DDX60L: variants seen among roughly 807,000 people sequenced by gnomAD.
The protein encoded by DDX60L is DExD/H-box 60 like, also known as probable ATP-dependent RNA helicase DDX60-like.
A neutral mutation model predicts 211.6 loss-of-function variants in DDX60L; 191 were observed. That is an observed-to-expected ratio of 0.90 (90% CI 0.80 to 1.02). DDX60L has a LOEUF of 1.02. DDX60L is among the 50% of genes least tolerant of loss of function. The pLI is 0.00. For missense variants in DDX60L, 2,007 were observed against 1,984.1 expected (o/e 1.01, Z -0.22); for synonymous variants, 706 against 694.1 (o/e 1.02, Z -0.27).
At chr4:168,443,000 A>C (rs1485746926) in intron 9 of DDX60L, among the ~76,000 whole-genome samples, 1 of 152,240 alleles carries the variant, frequency 6.6e-6, no homozygotes, top group Non-Finnish European at 1.5e-5. Flanking sequence ...GCAGTTCCTC[A>C]CCAGCAATGG....
In DDX60L at chr4:168,472,758, C is replaced by A; in HGVS notation, c.-59G>T. On this transcript the variant is annotated 5_prime_UTR_variant, in exon 2 of 38. Transcript: ENST00000682922. Reference sequence around the variant, plus strand: ...TAGAGCTGGAATTTATTAAATATGGCTGATTTATTTTGACACCTCTAAAAT... The same window carrying A: ...TAGAGCTGGAATTTATTAAATATGGATGATTTATTTTGACACCTCTAAAAT... 3 of 1,592,690 alleles carry A rather than the reference C, an allele frequency of 1.9e-6. No homozygotes were observed. The highest frequency in any genetic ancestry group is 2.6e-6 in the Non-Finnish European group (3 of 1,167,466).
At chr4:168,460,891 A>G (rs1172684291) in intron 5 of DDX60L, among the ~76,000 whole-genome samples, 2 of 152,168 alleles carry the variant, frequency 1.3e-5, no homozygotes, top group African/African-American at 4.8e-5. Context: ...AGAACTCAGG[A>G]AAAGTGGTTT....
At chr4:168,431,503 G>A (rs1752332142) in intron 12 of DDX60L, among the ~76,000 whole-genome samples, 1 of 145,370 alleles carries the variant, frequency 6.9e-6, no homozygotes, top group African/African-American at 2.5e-5. Context: ...GTTCTGCAAT[G>A]AGAACACATG....
chr4:168,420,504 A>C (rs1750359482), intron 17 of DDX60L, 124 bp from the exon 18 acceptor site: 1 of 783,944 alleles, frequency 1.3e-6, no homozygotes, highest in Non-Finnish European at 2.0e-6. Context: ...ACACACACAC[A>C]CTTCAATGAA....
At chr4:168,445,232 C>T (rs1279481301) in intron 9 of DDX60L, among the ~76,000 whole-genome samples, 1 of 125,016 alleles carries the variant, frequency 8.0e-6, no homozygotes, top group Non-Finnish European at 1.7e-5. Flanking sequence ...AAACTACCAT[C>T]AGAGAATACT....
chr4:168,461,096 C>T (rs1757266577), intron 5 of DDX60L, among the ~76,000 whole-genome samples: 2 of 152,146 alleles, frequency 1.3e-5, no homozygotes, highest in African/African-American at 2.4e-5. Flanking sequence ...TAATATCTAG[C>T]CCCTCTTACT....
chr4:168,442,053 G>C lies in DDX60L; in HGVS notation c.1139-561C>G, dbSNP rs568102955. 1.5e-3 allele frequency among the ~76,000 whole-genome samples: 221 copies of C among 152,248 alleles called. 1 individual carries two copies. The highest frequency in any genetic ancestry group is 4.9e-3 in the African/African-American group (202 of 41,520). On this transcript the variant is annotated intron_variant, in intron 9 of 37. Coordinates refer to ENST00000682922, the MANE Select transcript of DDX60L (RefSeq NM_001012967.3). Reference sequence around the variant, plus strand: ...GTCTACAGCTCCCAGCGTGAGCAACGCAGAAGACGGGTGATTTCTGCATTT... The same window carrying C: ...GTCTACAGCTCCCAGCGTGAGCAACCCAGAAGACGGGTGATTTCTGCATTT...
intron 36 of DDX60L, among the ~76,000 whole-genome samples, chr4:168,367,168 A>G (rs1464234364): frequency 8.4e-6 from 1 of 118,470 alleles, no homozygotes; most frequent in East Asian, 2.9e-4. Context: ...TAAATGTAAA[A>G]CCTGAAACTA....
intron 13 of DDX60L, among the ~76,000 whole-genome samples, chr4:168,428,720 T>C (rs1751860059): frequency 6.6e-6 from 1 of 152,180 alleles, no homozygotes; most frequent in Admixed American, 6.5e-5. Context: ...AGAGAAGTAC[T>C]GAAGCCTAAT....
Position 168,422,638 on chromosome 4 carries a change from C to T in DDX60L, c.2130G>A (p.Ser710=), listed in dbSNP as rs762455081. The change falls in exon 16 of 38, where the codon TCG becomes TCA. Residue 710 remains serine, a synonymous_variant. Transcript: ENST00000682922. Reference sequence around the variant, plus strand: ...GAAACCGAGCTGGTCCAATGTCAATCGAATATTTCTTCTTATTTTTGTCAT... The same window carrying T: ...GAAACCGAGCTGGTCCAATGTCAATTGAATATTTCTTCTTATTTTTGTCAT... The part of the protein sequence containing the change: ...IGDDKNKKKY[S]IDIGPARFQL... 9.3e-6 allele frequency: 15 copies of T among 1,608,606 alleles called. No homozygotes were observed. Among genetic ancestry groups the T allele is most frequent in the South Asian group, 1.1e-5 (1 of 90,064 alleles).
chr4:168,403,771 G>T (rs1030418046), intron 25 of DDX60L, among the ~76,000 whole-genome samples: 1 of 152,020 alleles, frequency 6.6e-6, no homozygotes, highest in East Asian at 1.9e-4. Flanking sequence ...GGAAGTAAGA[G>T]GGTAATAAGA....
intron 13 of DDX60L, among the ~76,000 whole-genome samples, chr4:168,429,576 T>G (rs1752023691): frequency 6.6e-6 from 1 of 152,262 alleles, no homozygotes; most frequent in African/African-American, 2.4e-5. Context: ...TACTAGATTT[T>G]ATGTAATCTT....
chr4:168,450,325 A>G (rs2150050643), intron 8 of DDX60L, among the ~76,000 whole-genome samples: 1 of 152,232 alleles, frequency 6.6e-6, no homozygotes, highest in African/African-American at 2.4e-5. Flanking sequence ...AGACAGCTTC[A>G]ACGCCCTATG....
At position 168,415,501 on chromosome 4, in the gene DDX60L, T is replaced by C. The variant is rs1322219314; in HGVS notation, c.2886A>G (p.Arg962=). Residue 962 remains arginine, a synonymous_variant, in exon 22 of 38, where the codon AGA becomes AGG. Transcript: ENST00000682922. ...YEVRLVLCGE[R]YNDLEKHICS... ...ATATATGCTTCTCTAAATCATTGTATCTCTCTCCACAGAGCACTAGATACG... is the reference window on the plus strand; with the variant it reads ...ATATATGCTTCTCTAAATCATTGTACCTCTCTCCACAGAGCACTAGATACG... The C allele has an allele frequency of 2.5e-6, 4 of 1,593,052 alleles. No homozygotes were observed. The highest frequency in any genetic ancestry group is 3.4e-6 in the Non-Finnish European group (4 of 1,164,272).
chr4:168,404,212 A>G, intron 24 of DDX60L, 106 bp from the exon 25 acceptor site: 9 of 847,266 alleles, frequency 1.1e-5, no homozygotes, highest in South Asian at 3.0e-5. Flanking sequence ...TTTTTCATAT[A>G]TAATTTTGGG....
intron 20 of DDX60L, 88 bp downstream of exon 20, chr4:168,416,594 G>GA (rs2149845087): frequency 1.1e-5 from 8 of 710,348 alleles, no homozygotes; most frequent in Non-Finnish European, 1.7e-5. Context: ...AGTTATCATA[G>GA]AAAAAACCTT....
chr4:168,364,595 G>T (rs896658262), intron 36 of DDX60L, among the ~76,000 whole-genome samples: 7 of 152,200 alleles, frequency 4.6e-5, no homozygotes, highest in Middle Eastern at 3.4e-3. Flanking sequence ...TGCCTAGGCT[G>T]GTCTTGAACT....
In DDX60L at chr4:168,373,627, T is replaced by C. The variant is rs367720120; in HGVS notation, c.4776+39A>G. 4 of 1,596,496 alleles carry C rather than the reference T, an allele frequency of 2.5e-6. No individual in the cohort carries two copies. In the South Asian group the frequency reaches 4.5e-5, roughly 18 times the overall value. ...CAGCAATGTAACCCCACTCTGTCTG[T>C]TAAACACATTTTGTACATAAGATGT... On this transcript the variant is annotated intron_variant, in intron 35 of 37. Coordinates refer to ENST00000682922, the MANE Select transcript of DDX60L (RefSeq NM_001012967.3).
At chr4:168,467,088 T>C (rs900755830) in intron 4 of DDX60L, among the ~76,000 whole-genome samples, 14 of 152,252 alleles carry the variant, frequency 9.2e-5, no homozygotes, top group African/African-American at 3.1e-4. Flanking sequence ...AGTGTAAAAC[T>C]GCATAATCTG....
Sources: allele counts gnomAD v4.1 joint callset (sites outside exome capture counted in the v4.1 genomes callset), GRCh38; gene constraint gnomAD v4.1.1; transcripts MANE v1.5; gene names NCBI Gene and HGNC (gene_info 2026-07-23, HGNC 2026-07-21).